The following SHISA9 variants were observed in gnomAD, a reference collection of about 807,000 sequenced individuals.
SHISA9 encodes the protein protein shisa-9.
A neutral mutation model predicts 38.0 loss-of-function variants in SHISA9; 13 were observed. The observed-to-expected ratio is 0.34, with a 90% CI of 0.22 to 0.54. The LOEUF is 0.54. Ranked by LOEUF, SHISA9 falls within the 20% of genes least tolerant of loss-of-function variation. The pLI is 0.91. For missense variants in SHISA9, 538 were observed against 575.8 expected (o/e 0.93, Z 0.67); for synonymous variants, 275 against 242.0 (o/e 1.14, Z -1.27).
intron 2 of SHISA9, among the ~76,000 whole-genome samples, chr16:12,919,083 T>C (rs887850134): frequency 4.6e-5 from 7 of 152,198 alleles, no homozygotes; most frequent in Non-Finnish European, 1.0e-4. Context: ...GAACAGATGA[T>C]TTGAGGAGTG....
chr16:13,444,434 AGG>A, the SHISA9 span, among the ~76,000 whole-genome samples: 1 of 151,262 alleles, frequency 6.6e-6, no homozygotes, highest in Non-Finnish European at 1.5e-5. Context: ...GAAGGAAGGA[AGG>A]AAGGGAGGAA....
chr16:13,221,934 A>G (rs2051229812), intron 4 of SHISA9, among the ~76,000 whole-genome samples: 2 of 152,326 alleles, frequency 1.3e-5, no homozygotes, highest in Middle Eastern at 6.8e-3. Flanking sequence ...CTGCTGATAA[A>G]GACATACCCG....
At chr16:13,245,481 T>A in the SHISA9 span, among the ~76,000 whole-genome samples, 1 of 152,156 alleles carries the variant, frequency 6.6e-6, no homozygotes, top group East Asian at 1.9e-4. Flanking sequence ...AGAGATAAAA[T>A]AATAGATAAA....
the SHISA9 span, among the ~76,000 whole-genome samples, chr16:13,517,930 C>G: frequency 6.6e-6 from 1 of 152,152 alleles, no homozygotes; most frequent in Non-Finnish European, 1.5e-5. Context: ...ATGTTTCCAC[C>G]CAGGCAGGCA....
chr16:13,148,208 A>G (rs150066), intron 2 of SHISA9, among the ~76,000 whole-genome samples: 82,609 of 151,736 alleles, frequency 0.54, 23,772 homozygotes, highest in Non-Finnish European at 0.62. Context: ...CATTTCCTAC[A>G]TGCATTTCCC....
At chr16:13,558,054 A>G in the SHISA9 span, among the ~76,000 whole-genome samples, 518 of 152,168 alleles carry the variant, frequency 3.4e-3, 2 homozygotes, top group African/African-American at 0.011. Flanking sequence ...GAGACCAAAA[A>G]AAATTAAACT....
the SHISA9 span, among the ~76,000 whole-genome samples, chr16:13,262,990 C>T: frequency 6.6e-6 from 1 of 152,132 alleles, no homozygotes; most frequent in African/African-American, 2.4e-5. Context: ...TTTTATTCCC[C>T]ATCTCAATCT....
intron 2 of SHISA9, among the ~76,000 whole-genome samples, chr16:12,956,191 C>T (rs1037556274): frequency 3.6e-5 from 5 of 138,792 alleles, no homozygotes. Flanking sequence ...CTACGCCTTA[C>T]ACCTGTCAGA....
At chr16:13,095,491 G>A (rs1355310146) in intron 2 of SHISA9, among the ~76,000 whole-genome samples, 2 of 152,236 alleles carry the variant, frequency 1.3e-5, no homozygotes, top group Non-Finnish European at 2.9e-5. Context: ...AAAGGGAAAT[G>A]GTGGTGGTTA....
intron 2 of SHISA9, among the ~76,000 whole-genome samples, chr16:12,969,316 G>A (rs1007982648): frequency 6.6e-6 from 1 of 151,436 alleles, no homozygotes; most frequent in Admixed American, 6.6e-5. Flanking sequence ...GTAAAAAAAA[G>A]CACAAGAGAG....
intron 4 of SHISA9, among the ~76,000 whole-genome samples, chr16:13,213,885 G>GGACT (rs2051143526): frequency 6.6e-6 from 1 of 152,166 alleles, no homozygotes; most frequent in African/African-American, 2.4e-5. Context: ...ATGTGCCAGA[G>GGACT]GACTGGCCCT....
intron 2 of SHISA9, among the ~76,000 whole-genome samples, chr16:13,107,446 A>G (rs1261385157): frequency 6.9e-6 from 1 of 144,284 alleles, no homozygotes; most frequent in African/African-American, 2.6e-5. Context: ...ACAAAAACAA[A>G]CAAACAAACA....
chr16:13,540,547 C>G, the SHISA9 span, among the ~76,000 whole-genome samples: 1 of 152,152 alleles, frequency 6.6e-6, no homozygotes, highest in East Asian at 1.9e-4. Flanking sequence ...AAAATATATA[C>G]TTTATTTCTA....
At chr16:12,997,970 A>G (rs1191694124) in intron 2 of SHISA9, among the ~76,000 whole-genome samples, 4 of 152,226 alleles carry the variant, frequency 2.6e-5, no homozygotes, top group African/African-American at 9.6e-5. Flanking sequence ...AATAGGATAG[A>G]ATGCATTGTG....
At chr16:13,173,604 T>G (rs1218706798) in intron 2 of SHISA9, among the ~76,000 whole-genome samples, 2 of 152,102 alleles carry the variant, frequency 1.3e-5, no homozygotes, top group African/African-American at 4.8e-5. Flanking sequence ...CTAGAGACAT[T>G]TTTGGTTGTC....
intron 2 of SHISA9, among the ~76,000 whole-genome samples, chr16:12,935,107 T>C (rs1461534751): frequency 6.6e-6 from 1 of 152,160 alleles, no homozygotes; most frequent in Non-Finnish European, 1.5e-5. Context: ...ACCCCTTGGC[T>C]GGGAAGGACA....
the SHISA9 span, among the ~76,000 whole-genome samples, chr16:13,336,675 A>G: frequency 6.6e-6 from 1 of 152,222 alleles, no homozygotes; most frequent in Admixed American, 6.5e-5. Context: ...TGTGGACCAC[A>G]TGTCAGGTGT....
chr16:13,061,960 A>G (rs1015837581), intron 2 of SHISA9, among the ~76,000 whole-genome samples: 1 of 152,170 alleles, frequency 6.6e-6, no homozygotes, highest in Non-Finnish European at 1.5e-5. Flanking sequence ...AATGCGCCAG[A>G]GGAAAGGAGA....
chr16:13,477,824 G>C, the SHISA9 span, among the ~76,000 whole-genome samples: 1 of 152,114 alleles, frequency 6.6e-6, no homozygotes, highest in Non-Finnish European at 1.5e-5. Context: ...ACTTAGCCAG[G>C]CATGGTGGTG....
Sources: allele counts gnomAD v4.1 joint callset (sites outside exome capture counted in the v4.1 genomes callset), GRCh38; gene constraint gnomAD v4.1.1; transcripts MANE v1.5; gene names NCBI Gene and HGNC (gene_info 2026-07-23, HGNC 2026-07-21).